NXPE2: variants seen among roughly 807,000 people sequenced by gnomAD.
The protein encoded by NXPE2 is NXPE family member 2.
In NXPE2, 34 loss-of-function variants were observed where a neutral mutation model predicts 34.4. The observed-to-expected ratio is 0.99, with a 90% CI of 0.75 to 1.31. NXPE2 has a LOEUF of 1.31. Ranked by LOEUF, NXPE2 falls within the 40% of genes most tolerant of loss-of-function variation. The pLI is 0.00. For missense variants in NXPE2, 649 were observed against 672.5 expected, an observed-to-expected ratio of 0.97 and a Z score of 0.39; for synonymous variants, 235 against 231.3, an observed-to-expected ratio of 1.02 and a Z score of -0.15.
chr11:114,522,744 T>C, the NXPE2 span: 3 of 693,114 alleles, frequency 4.3e-6, no homozygotes, highest in Non-Finnish European at 7.2e-6. Flanking sequence ...AAAATACATT[T>C]TAAATGTAAA....
At chr11:114,813,227 C>T in the NXPE2 span, among the ~76,000 whole-genome samples, 4 of 152,230 alleles carry the variant, frequency 2.6e-5, no homozygotes, top group Non-Finnish European at 4.4e-5. Context: ...CTCCCAGGAG[C>T]TGCCATGAGA....
At chr11:114,489,645 C>A in the NXPE2 span, among the ~76,000 whole-genome samples, 1 of 152,170 alleles carries the variant, frequency 6.6e-6, no homozygotes, top group African/African-American at 2.4e-5. Context: ...AGGCCTTTGA[C>A]AAAATTCAAC....
the NXPE2 span, among the ~76,000 whole-genome samples, chr11:114,787,709 G>A: frequency 6.6e-6 from 1 of 152,186 alleles, no homozygotes; most frequent in Non-Finnish European, 1.5e-5. Context: ...ATGCTACTAT[G>A]TATGTATCTA....
chr11:114,594,470 G>A, the NXPE2 span, among the ~76,000 whole-genome samples: 1 of 152,164 alleles, frequency 6.6e-6, no homozygotes. Context: ...GAAAGAATGT[G>A]TATGTGTGAA....
the NXPE2 span, among the ~76,000 whole-genome samples, chr11:114,472,860 C>T: frequency 6.6e-6 from 1 of 152,106 alleles, no homozygotes; most frequent in South Asian, 2.1e-4. Context: ...CTATCATAAC[C>T]GGCTTTCCTT....
upstream of NXPE2, among the ~76,000 whole-genome samples, chr11:114,674,576 C>G (rs1343964823): frequency 7.0e-6 from 1 of 142,522 alleles, no homozygotes; most frequent in African/African-American, 2.6e-5. Flanking sequence ...CATACCACCA[C>G]AAAAAAAAAA....
the NXPE2 span, among the ~76,000 whole-genome samples, chr11:114,617,623 C>A: frequency 1.3e-5 from 2 of 152,040 alleles, no homozygotes; most frequent in Non-Finnish European, 2.9e-5. Flanking sequence ...TTAGGGTAAC[C>A]ACTGTTACCC....
the NXPE2 span, among the ~76,000 whole-genome samples, chr11:114,480,158 C>T: frequency 6.6e-6 from 1 of 152,084 alleles, no homozygotes; most frequent in African/African-American, 2.4e-5. Flanking sequence ...GACACACATC[C>T]AAACCATACC....
At chr11:114,469,706 T>A in the NXPE2 span, among the ~76,000 whole-genome samples, 4 of 152,100 alleles carry the variant, frequency 2.6e-5, no homozygotes, top group Non-Finnish European at 5.9e-5. Flanking sequence ...TTGGCCAGGC[T>A]GGTCTCGAAC....
the NXPE2 span, among the ~76,000 whole-genome samples, chr11:114,515,849 TACTGGTATTTCA>T: frequency 4.8e-5 from 7 of 146,888 alleles, no homozygotes; most frequent in Non-Finnish European, 1.0e-4. Flanking sequence ...GATTTGCAGG[TACTGGTATTTCA>T]AAAGAAAAAT....
the NXPE2 span, among the ~76,000 whole-genome samples, chr11:114,541,316 G>T: frequency 2.1e-4 from 32 of 152,312 alleles, no homozygotes; most frequent in Admixed American, 2.0e-3. Flanking sequence ...TAACATAGAT[G>T]TTGGCCTGAT....
At chr11:114,535,545 A>T in the NXPE2 span, among the ~76,000 whole-genome samples, 3 of 151,940 alleles carry the variant, frequency 2.0e-5, no homozygotes, top group East Asian at 3.9e-4. Context: ...CCCATCTCAC[A>T]TGCAGAGACA....
At chr11:114,659,575 T>C in the NXPE2 span, among the ~76,000 whole-genome samples, 134,112 of 152,122 alleles carry the variant, frequency 0.88, 59,483 homozygotes, top group Non-Finnish European at 0.92. Flanking sequence ...TTCTACATAA[T>C]TCAAGGGACA....
the NXPE2 span, among the ~76,000 whole-genome samples, chr11:114,485,090 T>C: frequency 6.6e-6 from 1 of 152,208 alleles, no homozygotes; most frequent in Non-Finnish European, 1.5e-5. Flanking sequence ...TTATGGGGTA[T>C]ATGAGATATT....
chr11:114,716,768 C>T, the NXPE2 span, among the ~76,000 whole-genome samples: 4 of 152,220 alleles, frequency 2.6e-5, no homozygotes, highest in South Asian at 8.3e-4. Flanking sequence ...CAGTCCATTG[C>T]CACTTGATTA....
chr11:114,678,616 A>G lies in NXPE2; in HGVS notation c.26+15A>G, dbSNP rs1297129454. On this transcript the variant is annotated intron_variant, in intron 1 of 5. Transcript: ENST00000389586. ...CTCATCCATAGGTGTGGTACTTTCCAACTCTTACTGCCAAGCTAACGTCAG... is the reference window on the plus strand; with the variant it reads ...CTCATCCATAGGTGTGGTACTTTCCGACTCTTACTGCCAAGCTAACGTCAG... 2 of 1,544,654 alleles carry G rather than the reference A, an allele frequency of 1.3e-6. No individual in the cohort carries two copies. Among genetic ancestry groups the G allele is most frequent in the Non-Finnish European group, 8.8e-7 (1 of 1,140,758 alleles).
chr11:114,531,375 C>T, the NXPE2 span, among the ~76,000 whole-genome samples: 25 of 152,266 alleles, frequency 1.6e-4, no homozygotes, highest in Admixed American at 1.4e-3. Context: ...AGCTGTATCA[C>T]AGTTCAAGCC....
Position 114,698,275 on chromosome 11 carries a change from T to A in NXPE2, c.363T>A (p.Asp121Glu), listed in dbSNP as rs1470466579. 3.0e-5 allele frequency: 48 copies of A among 1,613,372 alleles called. No individual in the cohort carries two copies. The highest frequency in any genetic ancestry group is 4.1e-5 in the Non-Finnish European group (48 of 1,179,614). ...CAGCCACCATCCTCAACCCTCAAGA[T>A]ACGTACTGCAGGGGGGATCAGCTGG... ...HSTATILNPQ[D>E]TYCRGDQLDI... Residue 121 changes from aspartate to glutamate, a missense_variant, in exon 3 of 6, where the codon GAT becomes GAA. Physicochemically the swap from Asp to Glu is conservative, Grantham distance 45 (BLOSUM62 2). Coordinates refer to ENST00000389586, the MANE Select transcript of NXPE2 (RefSeq NM_182495.6).
At chr11:114,519,554 A>T in the NXPE2 span, among the ~76,000 whole-genome samples, 1 of 152,182 alleles carries the variant, frequency 6.6e-6, no homozygotes, top group African/African-American at 2.4e-5. Flanking sequence ...TGGAAACATT[A>T]TTCTTTCCCG....
Sources: allele counts gnomAD v4.1 joint callset (sites outside exome capture counted in the v4.1 genomes callset), GRCh38; gene constraint gnomAD v4.1.1; transcripts MANE v1.5; gene names NCBI Gene and HGNC (gene_info 2026-07-23, HGNC 2026-07-21).